Variants in MAST4 observed in about 807,000 individuals in gnomAD.
The protein encoded by MAST4 is microtubule-associated serine/threonine-protein kinase 4.
A neutral mutation model predicts 162.7 loss-of-function variants in MAST4; 89 were observed. The observed-to-expected ratio is 0.55, with a 90% CI of 0.46 to 0.65. The LOEUF is 0.65. Ranked by LOEUF, MAST4 falls within the 30% of genes least tolerant of loss-of-function variation. The pLI is 0.00. For synonymous variants in MAST4, 1,479 were observed against 1,361.1 expected (o/e 1.09, Z -1.91); for missense variants, 3,153 against 3,374.0 (o/e 0.93, Z 1.62).
intron 4 of MAST4, among the ~76,000 whole-genome samples, chr5:67,002,538 T>G (rs1324199675): frequency 6.6e-6 from 1 of 152,218 alleles, no homozygotes; most frequent in East Asian, 1.9e-4. Context: ...TTGAAGACTC[T>G]AGAGAGTAGA....
At chr5:66,771,267 C>T (rs770115516) in intron 2 of MAST4, among the ~76,000 whole-genome samples, 2 of 152,104 alleles carry the variant, frequency 1.3e-5, no homozygotes, top group Non-Finnish European at 2.9e-5. Context: ...TCACTGCACG[C>T]TCCACCTCCC....
intron 3 of MAST4, among the ~76,000 whole-genome samples, chr5:66,867,128 T>C (rs1362442937): frequency 6.6e-6 from 1 of 152,158 alleles, no homozygotes; most frequent in Non-Finnish European, 1.5e-5. Flanking sequence ...TGCTCCGATA[T>C]ATGATTTTCT....
At chr5:67,049,009 A>ACACATATATATATACG (rs1561576044) in intron 4 of MAST4, among the ~76,000 whole-genome samples, 3 of 125,428 alleles carry the variant, frequency 2.4e-5, no homozygotes, top group Admixed American at 8.3e-5. Flanking sequence ...ATACACACAC[A>ACACATATATATATACG]TATATATATA....
At chr5:67,036,037 G>A (rs1157947106) in intron 4 of MAST4, among the ~76,000 whole-genome samples, 1 of 152,108 alleles carries the variant, frequency 6.6e-6, no homozygotes, top group Non-Finnish European at 1.5e-5. Flanking sequence ...CTTGCTTTTA[G>A]CATGCTTCCC....
chr5:67,138,591 G>A (rs761107014), intron 19 of MAST4, among the ~76,000 whole-genome samples: 4 of 152,048 alleles, frequency 2.6e-5, no homozygotes, highest in South Asian at 4.2e-4. Context: ...ATGCCACCAC[G>A]CCTGGCTACT....
At chr5:66,808,552 TA>T (rs1756319121) in intron 3 of MAST4, among the ~76,000 whole-genome samples, 1 of 152,216 alleles carries the variant, frequency 6.6e-6, no homozygotes, top group Admixed American at 6.5e-5. Context: ...TACTTTTTGT[TA>T]ACCTACCTGT....
chr5:66,812,712 A>C (rs1470745793), intron 3 of MAST4, among the ~76,000 whole-genome samples: 1 of 152,120 alleles, frequency 6.6e-6, no homozygotes. Flanking sequence ...GCTTAGATGG[A>C]CAGCTCTTCT....
chr5:67,049,045 G>GTATATATA (rs1376142250), intron 4 of MAST4, among the ~76,000 whole-genome samples: 15 of 100,542 alleles, frequency 1.5e-4, no homozygotes, highest in South Asian at 9.0e-4. Flanking sequence ...ATATATACGT[G>GTATATATA]TATATATATA....
intron 3 of MAST4, among the ~76,000 whole-genome samples, chr5:66,866,108 C>T (rs1267505324): frequency 1.3e-5 from 2 of 148,996 alleles, no homozygotes; most frequent in East Asian, 2.0e-4. Context: ...AAATAGAGTA[C>T]GTTGCTGGTA....
intron 4 of MAST4, among the ~76,000 whole-genome samples, chr5:67,019,596 T>C (rs964929390): frequency 6.6e-6 from 1 of 152,238 alleles, no homozygotes; most frequent in Non-Finnish European, 1.5e-5. Flanking sequence ...CACATCTTCC[T>C]TTCCCCTCTG....
intron 1 of MAST4, among the ~76,000 whole-genome samples, chr5:66,697,449 T>C (rs1454663832): frequency 6.6e-6 from 1 of 152,234 alleles, no homozygotes; most frequent in Non-Finnish European, 1.5e-5. Context: ...TTTAAGAAAC[T>C]AGTACTTGTT....
intron 3 of MAST4, among the ~76,000 whole-genome samples, chr5:66,873,953 A>G (rs911475976): frequency 2.0e-5 from 3 of 152,064 alleles, no homozygotes; most frequent in Admixed American, 2.0e-4. Context: ...TGGGCCAGAA[A>G]TAAGGGGCTC....
At chr5:66,750,928 C>T (rs1316346852) in intron 1 of MAST4, among the ~76,000 whole-genome samples, 4 of 152,310 alleles carry the variant, frequency 2.6e-5, no homozygotes, top group South Asian at 2.1e-4. Flanking sequence ...AGTGGTTCTC[C>T]CAGCATGCAG....
chr5:66,909,244 G>C (rs537456200), intron 4 of MAST4, among the ~76,000 whole-genome samples: 1 of 152,086 alleles, frequency 6.6e-6, no homozygotes, highest in African/African-American at 2.4e-5. Context: ...CTAAGGACAC[G>C]AGCTCTCTAT....
rs70987132 is a variant in MAST4, at chr5:66,639,278, T to TTGTGTGTGTGTGTGTGTGTGTG, written c.363+42274_363+42295dup. On this transcript the variant is annotated intron_variant, in intron 1 of 28. Transcript: ENST00000403625. Reference sequence around the variant, plus strand: ...GTGTTGATTAGTACTGAGAGGCAGCTTGTGTGTGTGTGTGTGTGTGTGTGT... The same window carrying TTGTGTGTGTGTGTGTGTGTGTG: ...GTGTTGATTAGTACTGAGAGGCAGCTTGTGTGTGTGTGTGTGTGTGTGTGTGTGTGTGTGTGTGTGTGTGTGT... Among the ~76,000 whole-genome samples the TTGTGTGTGTGTGTGTGTGTGTG allele has an allele frequency of 2.1e-3, 288 of 138,696 alleles. 4 individuals carry two copies. The highest frequency in any genetic ancestry group is 4.9e-3 in the South Asian group (19 of 3,886). The allele number at this position is 138,696 out of a possible 152,430, so 91.0% of individuals were successfully genotyped here.
intron 7 of MAST4, among the ~76,000 whole-genome samples, chr5:67,097,856 T>C (rs769686884): frequency 2.6e-5 from 4 of 152,144 alleles, no homozygotes; most frequent in East Asian, 1.9e-4. Flanking sequence ...TTTCTCCTTA[T>C]TGATTGTTGA....
intron 1 of MAST4, among the ~76,000 whole-genome samples, chr5:66,616,646 C>T (rs981039468): frequency 1.3e-5 from 2 of 152,152 alleles, no homozygotes; most frequent in Non-Finnish European, 2.9e-5. Context: ...CCCAAGCAGC[C>T]AGGGTTTTGC....
intron 1 of MAST4, among the ~76,000 whole-genome samples, chr5:66,610,944 C>A (rs1367802000): frequency 1.3e-5 from 2 of 152,220 alleles, no homozygotes; most frequent in African/African-American, 4.8e-5. Flanking sequence ...TCTCCTACTG[C>A]TTTTCAGCTC....
chr5:66,823,187 C>T (rs1456561827), intron 3 of MAST4, among the ~76,000 whole-genome samples: 1 of 152,164 alleles, frequency 6.6e-6, no homozygotes, highest in African/African-American at 2.4e-5. Flanking sequence ...TTGTAAGTTT[C>T]CTGAGGCCTC....
Sources: allele counts gnomAD v4.1 joint callset (sites outside exome capture counted in the v4.1 genomes callset), GRCh38; gene constraint gnomAD v4.1.1; transcripts MANE v1.5; gene names NCBI Gene and HGNC (gene_info 2026-07-23, HGNC 2026-07-21).